Variants in BMPER observed in about 807,000 individuals in gnomAD.
The protein encoded by BMPER is BMP binding endothelial regulator, also known as BMP-binding endothelial regulator protein.
Under a neutral mutation model 87.3 loss-of-function variants are expected in BMPER, and 45 were observed. The observed-to-expected ratio is 0.52, with a 90% confidence interval of 0.41 to 0.66. The LOEUF (loss-of-function observed/expected upper bound fraction) is 0.66, where lower values mean the gene tolerates loss of function less well. Ranked by LOEUF, BMPER falls within the 30% of genes least tolerant of loss-of-function variation. The pLI is 0.00. For missense variants in BMPER, 784 were observed against 867.5 expected (o/e 0.90, Z 1.21); for synonymous variants, 326 against 316.2 (o/e 1.03, Z -0.33).
chr7:34,128,230 A>G (rs983439885), intron 13 of BMPER, among the ~76,000 whole-genome samples: 3 of 151,968 alleles, frequency 2.0e-5, no homozygotes, highest in South Asian at 2.1e-4. Flanking sequence ...TTTCTTTTAG[A>G]TGTAACTCAA....
At chr7:33,995,681 T>A (rs1786389199) in intron 6 of BMPER, among the ~76,000 whole-genome samples, 1 of 152,196 alleles carries the variant, frequency 6.6e-6, no homozygotes. Flanking sequence ...GTTGGTTCCA[T>A]GAGGCCTGTG....
At position 33,980,685 on chromosome 7, in the gene BMPER, T is replaced by G. The variant is rs75116093; in HGVS notation, c.576+5901T>G. Among the ~76,000 whole-genome samples, 439 of 152,304 alleles carry G rather than the reference T, an allele frequency of 2.9e-3. 3 individuals are homozygous for G. The highest frequency in any genetic ancestry group is 1.0e-2 in the African/African-American group (415 of 41,562). ...GAGTATAGCCCACAGAGTGGTAGGA[T>G]GCTTTTAAAAGAGCAGCAAGTCCTC... On this transcript the variant is annotated intron_variant, in intron 6 of 14. Coordinates refer to ENST00000649409, the MANE Select transcript of BMPER (RefSeq NM_001365308.1).
chr7:34,064,958 C>T (rs565458022), intron 11 of BMPER, among the ~76,000 whole-genome samples: 1 of 152,250 alleles, frequency 6.6e-6, no homozygotes, highest in East Asian at 1.9e-4. Flanking sequence ...GGCTTCGAGA[C>T]CTCCTACTTT....
chr7:33,906,726 G>A (rs901476931), intron 1 of BMPER, 92 bp from the exon 2 acceptor site: 2 of 1,163,174 alleles, frequency 1.7e-6, no homozygotes, highest in Non-Finnish European at 1.3e-6. Context: ...TTGGGTAGAG[G>A]TTTCAAAAAG....
chr7:34,036,829 G>C (rs1787685484), intron 6 of BMPER, among the ~76,000 whole-genome samples: 1 of 152,110 alleles, frequency 6.6e-6, no homozygotes, highest in African/African-American at 2.4e-5. Flanking sequence ...GTCTGCCTGA[G>C]TGGAAAGCCT....
At chr7:34,033,445 G>A (rs1585758419) in intron 6 of BMPER, among the ~76,000 whole-genome samples, 2 of 152,166 alleles carry the variant, frequency 1.3e-5, no homozygotes, top group Non-Finnish European at 1.5e-5. Flanking sequence ...AAACAATATA[G>A]ACCACCTTAA....
intron 9 of BMPER, 62 bp downstream of exon 9, chr7:34,055,365 C>T: frequency 6.2e-7 from 1 of 1,603,526 alleles, no homozygotes; most frequent in South Asian, 1.1e-5. Context: ...TAAAAAGCTC[C>T]AGACACTAGG....
chr7:33,991,541 A>G (rs1025782671), intron 6 of BMPER, among the ~76,000 whole-genome samples: 1 of 151,928 alleles, frequency 6.6e-6, no homozygotes, highest in African/African-American at 2.4e-5. Flanking sequence ...CAGTCTATCA[A>G]TTTTGTTGAT....
chr7:34,152,911 T>C (rs1791214272), intron 14 of BMPER, among the ~76,000 whole-genome samples, 181 bp from the exon 15 acceptor site: 1 of 152,206 alleles, frequency 6.6e-6, no homozygotes, highest in African/African-American at 2.4e-5. Context: ...TAGATGTAGC[T>C]GATTCCCAGA....
rs1230281562 is a variant in BMPER at position 34,058,074 on chromosome 7, T to C, written c.943T>C (p.Ser315Pro). Reference protein sequence around the residue: ...NKIFQDGEMWSSINCTICACV... With the variant: ...NKIFQDGEMWPSINCTICACV... ...TCTCTTGTAGGATGGAGAGATGTGG[T>C]CCTCTATCAATTGTACCATCTGTGC... The change falls in exon 10 of 15, where the codon TCC becomes CCC. Residue 315 changes from serine to proline, a missense_variant. By Grantham distance (74) the Ser-to-Pro change is moderately conservative (BLOSUM62 -1). Coordinates refer to ENST00000649409, the MANE Select transcript of BMPER (RefSeq NM_001365308.1). 1.1e-5 allele frequency: 18 copies of C among 1,613,938 alleles called. No homozygotes were observed. The highest frequency in any genetic ancestry group is 1.7e-5 in the Admixed American group (1 of 60,000).
At chr7:33,971,218 C>T (rs777081542) in intron 5 of BMPER, among the ~76,000 whole-genome samples, 2 of 151,848 alleles carry the variant, frequency 1.3e-5, no homozygotes, top group Non-Finnish European at 2.9e-5. Context: ...TTCTTGGAAA[C>T]TTCCTGTGAA....
intron 14 of BMPER, among the ~76,000 whole-genome samples, chr7:34,147,112 G>A (rs1182666132): frequency 6.6e-6 from 1 of 152,148 alleles, no homozygotes; most frequent in East Asian, 1.9e-4. Context: ...GTAGCATAAC[G>A]GATGGTTTGC....
chr7:34,048,837 G>A (rs962862959), intron 7 of BMPER, among the ~76,000 whole-genome samples: 5 of 152,166 alleles, frequency 3.3e-5, no homozygotes, highest in Non-Finnish European at 5.9e-5. Context: ...AAGTCAGGCT[G>A]TACACAAAGT....
chr7:34,045,810 A>G (rs1787948101), intron 6 of BMPER, among the ~76,000 whole-genome samples: 1 of 152,136 alleles, frequency 6.6e-6, no homozygotes. Context: ...GAAGATGTCT[A>G]CAGAACCTAT....
chr7:34,045,653 G>T (rs1033490763), intron 6 of BMPER, among the ~76,000 whole-genome samples: 1 of 152,154 alleles, frequency 6.6e-6, no homozygotes, highest in Admixed American at 6.5e-5. Flanking sequence ...TTTGGATAGC[G>T]TGGTGAATTC....
At chr7:33,973,614 G>A (rs993996609) in intron 5 of BMPER, among the ~76,000 whole-genome samples, 1 of 152,354 alleles carries the variant, frequency 6.6e-6, no homozygotes, top group East Asian at 1.9e-4. Flanking sequence ...TGCTCCAAGA[G>A]CTTGGTGGGT....
intron 11 of BMPER, among the ~76,000 whole-genome samples, chr7:34,064,178 C>A (rs1788515038): frequency 6.6e-6 from 1 of 152,060 alleles, no homozygotes; most frequent in South Asian, 2.1e-4. Flanking sequence ...GAAATCCCAG[C>A]TACTTGGGAG....
intron 7 of BMPER, among the ~76,000 whole-genome samples, chr7:34,048,752 C>G (rs1389620410): frequency 3.3e-5 from 5 of 152,176 alleles, no homozygotes; most frequent in African/African-American, 1.2e-4. Flanking sequence ...ACAAAAGGAA[C>G]AATAAGTTTT....
At chr7:34,135,242 G>A (rs751643467) in intron 13 of BMPER, among the ~76,000 whole-genome samples, 5 of 152,130 alleles carry the variant, frequency 3.3e-5, no homozygotes, top group Non-Finnish European at 5.9e-5. Flanking sequence ...TGTTAATTTG[G>A]TTGTTGGATT....
Sources: allele counts gnomAD v4.1 joint callset (sites outside exome capture counted in the v4.1 genomes callset), GRCh38; gene constraint gnomAD v4.1.1; transcripts MANE v1.5; gene names NCBI Gene and HGNC (gene_info 2026-07-23, HGNC 2026-07-21).